DLC1: variants seen among roughly 807,000 people sequenced by gnomAD.
The protein encoded by DLC1 is DLC1 Rho GTPase activating protein, also known as rho GTPase-activating protein 7.
In DLC1, 54 loss-of-function variants were observed where a neutral mutation model predicts 140.3. The ratio of observed to expected loss-of-function variants is 0.38; its 90% CI spans 0.31 to 0.48. The LOEUF (loss-of-function observed/expected upper bound fraction) is 0.48, where lower values mean the gene tolerates loss of function less well. Among genes scored for constraint, DLC1 ranks in the 20% least tolerant of loss-of-function variants. DLC1 has a pLI of 0.96. For synonymous variants in DLC1, 986 were observed against 728.1 expected (o/e 1.35, Z -5.70); for missense variants, 2,536 against 1,907.0 (o/e 1.33, Z -6.14).
intron 1 of DLC1, among the ~76,000 whole-genome samples, chr8:13,550,686 T>TC (rs1803815644): frequency 6.6e-6 from 1 of 152,126 alleles, no homozygotes; most frequent in Non-Finnish European, 1.5e-5. Flanking sequence ...GTGTTATCTT[T>TC]AATTAAAGCT....
At chr8:13,201,099 A>G (rs1352565514) in intron 5 of DLC1, among the ~76,000 whole-genome samples, 3 of 152,002 alleles carry the variant, frequency 2.0e-5, no homozygotes, top group Non-Finnish European at 2.9e-5. Context: ...CCCTTCAAAT[A>G]ATAAAACAAA....
intron 5 of DLC1, among the ~76,000 whole-genome samples, chr8:13,119,424 T>C (rs946718502): frequency 6.6e-6 from 1 of 152,086 alleles, no homozygotes. Flanking sequence ...TCACTCATCC[T>C]TCAAGATCCC....
At chr8:13,110,623 T>C in intron 7 of DLC1, 119 bp downstream of exon 7, 1 of 912,322 alleles carries the variant, frequency 1.1e-6, no homozygotes, top group Non-Finnish European at 1.7e-6. Flanking sequence ...CACTCTATGG[T>C]TTGCCAATAA....
chr8:13,153,980 T>C (rs1447181277), intron 5 of DLC1, among the ~76,000 whole-genome samples: 3 of 152,054 alleles, frequency 2.0e-5, no homozygotes, highest in Admixed American at 1.3e-4. Flanking sequence ...AGGGTGGTGA[T>C]TGGTGTGTTT....
rs570155223 is a variant in DLC1, at chr8:13,285,354, G to C, written c.1348+19915C>G. The stretch of plus-strand genomic sequence containing the variant: ...CAGTTGGATAACCATATGGAAAAAA[G>C]AAACCTTGAGCTTTACCTCACACCT... On this transcript the variant is annotated intron_variant, in intron 5 of 17. Transcript: ENST00000276297. 2.6e-5 allele frequency among the ~76,000 whole-genome samples: 4 copies of C among 152,230 alleles called. No homozygotes were observed. In the South Asian group the frequency reaches 8.3e-4, roughly 32 times the overall value.
At chr8:13,346,919 C>T (rs1387990824) in intron 4 of DLC1, among the ~76,000 whole-genome samples, 1 of 152,218 alleles carries the variant, frequency 6.6e-6, no homozygotes, top group African/African-American at 2.4e-5. Context: ...CTGTGGTCAA[C>T]CGTGGTCTGA....
At chr8:13,346,372 A>C (rs907289107) in intron 4 of DLC1, among the ~76,000 whole-genome samples, 1 of 152,236 alleles carries the variant, frequency 6.6e-6, no homozygotes, top group African/African-American at 2.4e-5. Context: ...TTTTCCAGTT[A>C]GCACCAGGAA....
chr8:13,276,413 G>A (rs956925357), intron 5 of DLC1: 4 of 1,460,698 alleles, frequency 2.7e-6, no homozygotes, highest in African/African-American at 2.9e-5. Flanking sequence ...GCTCGCAGAC[G>A]CCTTCAGCGC....
At chr8:13,319,193 T>TA (rs1832984053) in intron 4 of DLC1, among the ~76,000 whole-genome samples, 1 of 152,124 alleles carries the variant, frequency 6.6e-6, no homozygotes, top group Admixed American at 6.5e-5. Flanking sequence ...ATCAACAAAA[T>TA]AAAAAATACT....
intron 2 of DLC1, among the ~76,000 whole-genome samples, chr8:13,438,334 T>C (rs1017628277): frequency 2.0e-5 from 3 of 152,226 alleles, no homozygotes; most frequent in Non-Finnish European, 4.4e-5. Flanking sequence ...TAATCAATAG[T>C]ATTTTTGTAA....
intron 4 of DLC1, among the ~76,000 whole-genome samples, chr8:13,392,773 T>C (rs1836821458): frequency 6.6e-6 from 1 of 152,178 alleles, no homozygotes; most frequent in Admixed American, 6.6e-5. Flanking sequence ...AATCTACACA[T>C]GAAGCATTTC....
intron 1 of DLC1, among the ~76,000 whole-genome samples, chr8:13,578,280 C>T (rs774726412): frequency 6.6e-6 from 1 of 152,166 alleles, no homozygotes; most frequent in Non-Finnish European, 1.5e-5. Flanking sequence ...CAGTGAGTCA[C>T]AGCCATTCCA....
At chr8:13,276,646 G>C in intron 5 of DLC1, 6 of 1,175,986 alleles carry the variant, frequency 5.1e-6, no homozygotes, top group Non-Finnish European at 6.3e-6. Context: ...GCGAGCTGCA[G>C]CACAGCTATC....
intron 3 of DLC1, among the ~76,000 whole-genome samples, chr8:13,396,843 C>T: frequency 6.6e-6 from 1 of 152,136 alleles, no homozygotes; most frequent in East Asian, 1.9e-4. Flanking sequence ...CACATCCGCT[C>T]CCTCCTTTAA....
In DLC1 at chr8:13,604,066, T is replaced by G. The variant is rs946250747; in HGVS notation, c.-126+471A>C. ...ACATAACTGTAAACATACATAAAAT[T>G]ATTCCAAAGTGCAATGATAATGTTA... On this transcript the variant is annotated intron_variant, in intron 1 of 1. Coordinates refer to the DLC1 transcript ENST00000631382. Among the ~76,000 whole-genome samples the G allele has an allele frequency of 2.6e-5, 4 of 152,134 alleles. No homozygotes were observed. The East Asian group carries it at 7.7e-4, about 29-fold the overall frequency.
intron 5 of DLC1, among the ~76,000 whole-genome samples, chr8:13,236,925 T>C (rs904847999): frequency 1.3e-5 from 2 of 152,004 alleles, no homozygotes; most frequent in African/African-American, 2.4e-5. Context: ...ATCCTGAAAA[T>C]AACTTGGTGT....
intron 4 of DLC1, among the ~76,000 whole-genome samples, chr8:13,328,776 A>G (rs1833473412): frequency 6.8e-6 from 1 of 147,556 alleles, no homozygotes; most frequent in Non-Finnish European, 1.5e-5. Flanking sequence ...AGCACCAGCC[A>G]GAGGTGAAAG....
rs551030033 is a variant in DLC1 at position 13,330,459 on chromosome 8, G to C, written c.1315-25157C>G. Among the ~76,000 whole-genome samples the C allele has an allele frequency of 3.2e-4, 49 of 152,320 alleles. 1 individual carries two copies. The highest frequency in any genetic ancestry group is 1.1e-3 in the African/African-American group (47 of 41,570). On this transcript the variant is annotated intron_variant, in intron 4 of 17. Coordinates refer to ENST00000276297, the MANE Select transcript of DLC1 (RefSeq NM_182643.3). ...CCTTGCTGAGCTAGGTTACAGGTCT[G>C]TTGATCTCTGCCTCTTTTTCCATGC...
chr8:13,414,787 C>G (rs1025343018), intron 2 of DLC1, among the ~76,000 whole-genome samples: 1 of 151,914 alleles, frequency 6.6e-6, no homozygotes, highest in Non-Finnish European at 1.5e-5. Flanking sequence ...TTATTTGACA[C>G]GATGTTATCA....
Sources: allele counts gnomAD v4.1 joint callset (sites outside exome capture counted in the v4.1 genomes callset), GRCh38; gene constraint gnomAD v4.1.1; transcripts MANE v1.5; gene names NCBI Gene and HGNC (gene_info 2026-07-23, HGNC 2026-07-21).